KIAA1217: variants seen among roughly 807,000 people sequenced by gnomAD.
KIAA1217 encodes KIAA1217.
A neutral mutation model predicts 163.9 loss-of-function variants in KIAA1217; 88 were observed. That is an observed-to-expected ratio of 0.54 (90% CI 0.45 to 0.64). The LOEUF (loss-of-function observed/expected upper bound fraction) is 0.64. Among genes scored for constraint, KIAA1217 ranks in the 30% least tolerant of loss-of-function variants. The pLI is 0.00. For synonymous variants in KIAA1217, 903 were observed against 923.1 expected (o/e 0.98, Z 0.39); for missense variants, 2,372 against 2,475.0 (o/e 0.96, Z 0.88).
At chr10:24,253,590 A>G (rs1138002) in intron 2 of KIAA1217, among the ~76,000 whole-genome samples, 110,221 of 152,058 alleles carry the variant, frequency 0.72, 40,193 homozygotes, top group Admixed American at 0.8. Context: ...TCCTTAGCCC[A>G]GTGTGTAGGC....
intron 1 of KIAA1217, among the ~76,000 whole-genome samples, chr10:23,812,777 A>G (rs1287251450): frequency 6.6e-6 from 1 of 152,156 alleles, no homozygotes; most frequent in African/African-American, 2.4e-5. Flanking sequence ...AATTTTATAG[A>G]TGGAATCACG....
rs12260174 is a variant in KIAA1217 at position 23,951,213 on chromosome 10, G to A, written c.-320-56012G>A. On this transcript the variant is annotated intron_variant, in intron 1 of 18. Coordinates refer to the KIAA1217 transcript ENST00000376462. ...CATCTAAGCTGAAACCTAGGCAATA[G>A]GGGAGTAGCCAGACAAGTAGGCAAA... Among the ~76,000 whole-genome samples, 983 of 152,202 alleles carry A rather than the reference G, an allele frequency of 6.5e-3. 10 individuals carry two copies. The highest frequency in any genetic ancestry group is 0.023 in the African/African-American group (945 of 41,542).
intron 1 of KIAA1217, among the ~76,000 whole-genome samples, chr10:23,768,471 A>G (rs147360223): frequency 4.1e-4 from 62 of 152,368 alleles, no homozygotes; most frequent in Admixed American, 2.2e-3. Flanking sequence ...CCAGGTACAT[A>G]TTAAATGCTC....
At chr10:23,937,950 T>C (rs923804871) in intron 1 of KIAA1217, among the ~76,000 whole-genome samples, 7 of 152,066 alleles carry the variant, frequency 4.6e-5, no homozygotes, top group Admixed American at 6.5e-5. Context: ...CTGAGAGGAA[T>C]TGCTGAGCTA....
chr10:24,141,232 C>G (rs1312061420), intron 2 of KIAA1217, among the ~76,000 whole-genome samples: 1 of 124,068 alleles, frequency 8.1e-6, no homozygotes, highest in Non-Finnish European at 1.7e-5. Flanking sequence ...TAAACCCCCC[C>G]CCCCCATTTC....
intron 2 of KIAA1217, among the ~76,000 whole-genome samples, chr10:24,060,384 T>C (rs1165875591): frequency 6.6e-6 from 1 of 152,176 alleles, no homozygotes; most frequent in East Asian, 1.9e-4. Context: ...TTTTACTCAC[T>C]GGTTGTTCAA....
intron 1 of KIAA1217, among the ~76,000 whole-genome samples, chr10:23,735,561 T>A (rs1044301012): frequency 6.6e-6 from 1 of 152,082 alleles, no homozygotes; most frequent in Non-Finnish European, 1.5e-5. Flanking sequence ...TCTTCTTGTA[T>A]GTTTATTTGC....
chr10:24,206,102 A>G (rs146075492), upstream of KIAA1217, among the ~76,000 whole-genome samples: 269 of 152,304 alleles, frequency 1.8e-3, 1 homozygote, highest in South Asian at 0.041. Context: ...ACCACTAACC[A>G]AGAAATAGTC....
At chr10:24,090,690 G>A (rs2061907226) in intron 2 of KIAA1217, among the ~76,000 whole-genome samples, 1 of 151,716 alleles carries the variant, frequency 6.6e-6, no homozygotes, top group African/African-American at 2.4e-5. Context: ...CTCTGTAAAA[G>A]TCTGCAAATG....
intron 1 of KIAA1217, among the ~76,000 whole-genome samples, chr10:23,703,741 T>G (rs1836647979): frequency 6.6e-6 from 1 of 152,056 alleles, no homozygotes; most frequent in Non-Finnish European, 1.5e-5. Context: ...TCCTCCCCTT[T>G]TCTTCTTGGT....
intron 2 of KIAA1217, among the ~76,000 whole-genome samples, chr10:24,025,862 G>A (rs962321219): frequency 1.3e-5 from 2 of 151,550 alleles, no homozygotes; most frequent in Non-Finnish European, 3.0e-5. Flanking sequence ...CTCATCTTCC[G>A]TGACCTTACT....
chr10:24,196,136 A>AACACACACACAC (rs66954103), intron 2 of KIAA1217, among the ~76,000 whole-genome samples: 23 of 144,318 alleles, frequency 1.6e-4, no homozygotes, highest in African/African-American at 6.1e-4. Flanking sequence ...CCTGTCTCAA[A>AACACACACACAC]ACACACACAC....
intron 3 of KIAA1217, among the ~76,000 whole-genome samples, chr10:24,413,123 A>G (rs562545835): frequency 6.6e-6 from 1 of 152,138 alleles, no homozygotes; most frequent in Non-Finnish European, 1.5e-5. Flanking sequence ...CCAACCCACC[A>G]TAATCACTTT....
At chr10:23,818,537 A>C (rs2131006152) in intron 1 of KIAA1217, among the ~76,000 whole-genome samples, 1 of 152,036 alleles carries the variant, frequency 6.6e-6, no homozygotes, top group South Asian at 2.1e-4. Flanking sequence ...AATATAAAGG[A>C]AGAGTCAGCA....
intron 2 of KIAA1217, among the ~76,000 whole-genome samples, chr10:24,287,441 G>A (rs767538542): frequency 2.6e-5 from 4 of 152,068 alleles, no homozygotes; most frequent in Non-Finnish European, 5.9e-5. Flanking sequence ...AACTTAGGCC[G>A]ACAAATCAAG....
At chr10:23,737,201 A>C (rs1838857663) in intron 1 of KIAA1217, among the ~76,000 whole-genome samples, 1 of 151,816 alleles carries the variant, frequency 6.6e-6, no homozygotes, top group African/African-American at 2.4e-5. Context: ...CCAGACTTAC[A>C]TTAACATATT....
chr10:24,341,939 A>G (rs1323107767), intron 2 of KIAA1217, among the ~76,000 whole-genome samples: 2 of 152,228 alleles, frequency 1.3e-5, no homozygotes, highest in East Asian at 3.8e-4. Flanking sequence ...TTTTATAATA[A>G]TTGATGTTGT....
intron 2 of KIAA1217, among the ~76,000 whole-genome samples, chr10:24,108,422 A>G (rs2062713424): frequency 6.6e-6 from 1 of 152,198 alleles, no homozygotes; most frequent in Non-Finnish European, 1.5e-5. Flanking sequence ...TAAATGTGGT[A>G]CTTGCAGTTT....
intron 1 of KIAA1217, among the ~76,000 whole-genome samples, chr10:23,736,564 C>T (rs1045298642): frequency 2.6e-5 from 4 of 152,020 alleles, no homozygotes. Context: ...GCTTTGTCAC[C>T]CAGGCTGGGG....
Sources: allele counts gnomAD v4.1 joint callset (sites outside exome capture counted in the v4.1 genomes callset), GRCh38; gene constraint gnomAD v4.1.1; transcripts MANE v1.5; gene names NCBI Gene and HGNC (gene_info 2026-07-23, HGNC 2026-07-21).